The following ULK2 variants were observed in gnomAD, a reference collection of about 807,000 sequenced individuals.
The protein encoded by ULK2 is unc-51 like autophagy activating kinase 2.
Under a neutral mutation model 127.5 loss-of-function variants are expected in ULK2, and 76 were observed. The observed-to-expected ratio is 0.60, with a 90% CI of 0.50 to 0.72. The LOEUF is 0.72. Ranked by LOEUF, ULK2 falls within the 30% of genes least tolerant of loss-of-function variation. The pLI is 0.00. For missense variants in ULK2, 1,144 were observed against 1,295.9 expected, an observed-to-expected ratio of 0.88 and a Z score of 1.80; for synonymous variants, 452 against 461.9, an observed-to-expected ratio of 0.98 and a Z score of 0.28.
At chr17:19,780,817 A>C (rs2086902268) in intron 24 of ULK2, among the ~76,000 whole-genome samples, 169 bp downstream of exon 24, 1 of 152,194 alleles carries the variant, frequency 6.6e-6, no homozygotes, top group Non-Finnish European at 1.5e-5. Context: ...TGCACTTCAG[A>C]CTTCTATCAA....
rs748782391 is a variant in ULK2, at chr17:19,804,758, A to G, written c.1230T>C (p.Tyr410=). 5 of 1,613,062 alleles carry G rather than the reference A, an allele frequency of 3.1e-6. No homozygotes were observed. In the African/African-American group the frequency reaches 4.0e-5, roughly 13 times the overall value. ...PIPVPTQIRN[Y]QRIEQNLTST... Reference sequence around the variant, plus strand: ...ATGTAAGATTCTGCTCTATGCGCTGATAATTCCTTATTTGAGTAGGAACTG... The same window carrying G: ...ATGTAAGATTCTGCTCTATGCGCTGGTAATTCCTTATTTGAGTAGGAACTG... The change falls in exon 15 of 27, where the codon TAT becomes TAC. Residue 410 remains tyrosine, a synonymous_variant. Transcript: ENST00000395544.
chr17:19,866,032 T>C (rs538529067), intron 1 of ULK2, among the ~76,000 whole-genome samples: 23 of 152,236 alleles, frequency 1.5e-4, no homozygotes, highest in Admixed American at 1.4e-3. Context: ...ATAACAAATA[T>C]GAAGTCCACA....
At chr17:19,787,458 A>G (rs1446489527) in intron 20 of ULK2, among the ~76,000 whole-genome samples, 1 of 152,222 alleles carries the variant, frequency 6.6e-6, no homozygotes, top group Non-Finnish European at 1.5e-5. Flanking sequence ...AGCCAGAAAT[A>G]TATTTGATAA....
chr17:19,771,155 G>A lies in ULK2; in HGVS notation c.*5194C>T, dbSNP rs949651753. 1.3e-5 allele frequency: 2 copies of A among 152,236 alleles called. No homozygotes were observed. Among genetic ancestry groups the A allele is most frequent in the Non-Finnish European group, 2.9e-5 (2 of 68,066 alleles). The allele number at this position is 152,236 out of a possible 1,614,324, so 9.4% of individuals were successfully genotyped here. A position where few individuals can be genotyped will look rare whatever the true frequency, so the allele number is the denominator to read the frequency against. On this transcript the variant is annotated 3_prime_UTR_variant, in exon 27 of 27. Transcript: ENST00000395544. The stretch of plus-strand genomic sequence containing the variant: ...AGACAGTGTGGGGCTCCTGTGGGGA[G>A]ATGGGTACTCCTGTACCCAGTGTGG...
chr17:19,809,732 C>CAA (rs369486144), intron 14 of ULK2, among the ~76,000 whole-genome samples: 51,396 of 89,834 alleles, frequency 0.57, 15,074 homozygotes, highest in African/African-American at 0.65. Flanking sequence ...GACTCCGTCT[C>CAA]AAAAAAAAAA....
In ULK2 at chr17:19,796,105, C is replaced by T; in HGVS notation, c.1987G>A (p.Val663Met). The T allele has an allele frequency of 6.2e-7, 1 of 1,608,950 alleles. No individual in the cohort carries two copies. The highest frequency in any genetic ancestry group is 1.1e-5 in the South Asian group (1 of 89,810). Reference sequence around the variant, plus strand: ...GAAACAGTCTTTTACCTGCCAAACACTGCCTTGCTCTGCTGCTCGGCCCGC... The same window carrying T: ...GAAACAGTCTTTTACCTGCCAAACATTGCCTTGCTCTGCTGCTCGGCCCGC... ...RQRAEQQSKA[V>M]FGRSVSTGKL... The change falls in exon 19 of 27, where the codon GTG (valine) becomes ATG (methionine). Residue 663 changes from valine to methionine, a missense_variant. Physicochemically the swap from Val to Met is conservative, Grantham distance 21. Coordinates refer to ENST00000395544, the MANE Select transcript of ULK2 (RefSeq NM_014683.4).
intron 1 of ULK2, 134 bp from the exon 2 acceptor site, chr17:19,865,962 G>T: frequency 5.1e-6 from 3 of 588,800 alleles, no homozygotes; most frequent in South Asian, 2.0e-5. Context: ...TCAATAATTG[G>T]AAAGTGATTT....
chr17:19,866,107 G>T (rs1023172691), intron 1 of ULK2, among the ~76,000 whole-genome samples: 2 of 152,138 alleles, frequency 1.3e-5, no homozygotes, highest in Non-Finnish European at 2.9e-5. Context: ...GACAAATGTA[G>T]AAATAAACTT....
rs539675176 is a variant in ULK2 at position 19,790,423 on chromosome 17, T to TA, written c.2102-4338dup. Reference sequence around the variant, plus strand: ...CAAGAGCGAAACTCCATCTCAAAAATAAAAAAATTGAATTAAATTGAATCA... The same window carrying TA: ...CAAGAGCGAAACTCCATCTCAAAAATAAAAAAAATTGAATTAAATTGAATCA... On this transcript the variant is annotated intron_variant, in intron 20 of 26. Coordinates refer to ENST00000395544, the MANE Select transcript of ULK2 (RefSeq NM_014683.4). Among the ~76,000 whole-genome samples the TA allele has an allele frequency of 6.6e-5, 10 of 151,748 alleles. No individual in the cohort carries two copies. The South Asian group carries it at 1.2e-3, about 19-fold the overall frequency.
chr17:19,859,111 G>A (rs2042190263), intron 3 of ULK2, among the ~76,000 whole-genome samples: 1 of 152,210 alleles, frequency 6.6e-6, no homozygotes, highest in African/African-American at 2.4e-5. Flanking sequence ...GCAACATAGT[G>A]ACCTCATCTC....
At chr17:19,817,707 T>A (rs73980714) in intron 12 of ULK2, among the ~76,000 whole-genome samples, 3,547 of 152,328 alleles carry the variant, frequency 0.023, 117 homozygotes, top group African/African-American at 0.077. Flanking sequence ...TAGCTTATTG[T>A]GTCAAGCCCC....
chr17:19,814,439 T>TATATATATATATATACACACATATATA (rs1491246393), intron 13 of ULK2, among the ~76,000 whole-genome samples: 5 of 9,986 alleles, frequency 5.0e-4, no homozygotes, highest in African/African-American at 1.1e-3. Flanking sequence ...TATATATATA[T>TATATATATATATATACACACATATATA]TTTTTTTTTT....
At chr17:19,852,288 G>A (rs2042034193) in intron 3 of ULK2, among the ~76,000 whole-genome samples, 2 of 151,788 alleles carry the variant, frequency 1.3e-5, no homozygotes, top group South Asian at 2.1e-4. Flanking sequence ...TTGGGAGGCC[G>A]AGACAGGCGG....
chr17:19,784,003 G>T, intron 21 of ULK2, 98 bp from the exon 22 acceptor site: 1 of 1,121,352 alleles, frequency 8.9e-7, no homozygotes, highest in Non-Finnish European at 1.1e-6. Context: ...AGGTGACAAA[G>T]GAAAGTTTCG....
In ULK2 at chr17:19,867,449, C is replaced by T. The variant is rs1213314963; in HGVS notation, c.-32G>A. 6.4e-7 allele frequency: 1 copy of T among 1,573,556 alleles called. No individual in the cohort carries two copies. Among genetic ancestry groups the T allele is most frequent in the Non-Finnish European group, 8.6e-7 (1 of 1,160,572 alleles). ...GCCCCCGGGGCACACAGCGGACGGG[C>T]GGGCGGCGCAGTGCGGCGCAGGTAT... On this transcript the variant is annotated 5_prime_UTR_variant, in exon 1 of 27. Transcript: ENST00000395544.
chr17:19,861,212 C>A (rs2042235493), intron 3 of ULK2, among the ~76,000 whole-genome samples: 1 of 152,126 alleles, frequency 6.6e-6, no homozygotes, highest in Admixed American at 6.5e-5. Context: ...ATTCTATAAT[C>A]AAAGCTGGTA....
chr17:19,782,935 C>CAAAT (rs1336176502), intron 22 of ULK2, among the ~76,000 whole-genome samples: 12 of 150,366 alleles, frequency 8.0e-5, no homozygotes, highest in African/African-American at 3.0e-4. Flanking sequence ...AACAAACAAA[C>CAAAT]AAACAAATAA....
Position 19,811,420 on chromosome 17 carries a change from T to C in ULK2, c.1097-982A>G, listed in dbSNP as rs1415303272. Among the ~76,000 whole-genome samples, 28 of 151,996 alleles carry C rather than the reference T, an allele frequency of 1.8e-4. 1 individual carries two copies. Among genetic ancestry groups the C allele is most frequent in the Admixed American group, 1.8e-3 (27 of 15,244 alleles). On this transcript the variant is annotated intron_variant, in intron 13 of 26. Transcript: ENST00000395544. ...GATAGCTTAATCACGAGAGGGAAAT[T>C]ATTTCAAGTAACTTTTTTTTTTTTA...
intron 3 of ULK2, chr17:19,860,963 G>C (rs1213826469): frequency 6.6e-6 from 1 of 152,124 alleles, no homozygotes; most frequent in South Asian, 2.1e-4. Flanking sequence ...TATTCAGGAG[G>C]CTGAGGCAGG....
Sources: gnomAD v4.1 joint callset for allele counts (sites outside exome capture counted in the v4.1 genomes callset) on GRCh38, gnomAD v4.1.1 for gene constraint, MANE v1.5 for transcripts, NCBI Gene and HGNC (gene_info 2026-07-23, HGNC 2026-07-21) for gene names.